Variants in PRSS22 observed in about 807,000 individuals in gnomAD.
PRSS22 encodes the protein serine protease 22, also known as brain-specific serine protease 4.
A neutral mutation model predicts 28.0 loss-of-function variants in PRSS22; 26 were observed. The observed-to-expected ratio is 0.93, with a 90% CI of 0.68 to 1.29. The LOEUF (loss-of-function observed/expected upper bound fraction) is 1.29. Among genes scored for constraint, PRSS22 ranks in the 50% most tolerant of loss-of-function variants. PRSS22 has a pLI of 0.00. For missense variants in PRSS22, 444 were observed against 422.1 expected, an observed-to-expected ratio of 1.05 and a Z score of -0.46; for synonymous variants, 217 against 177.9, an observed-to-expected ratio of 1.22 and a Z score of -1.75.
At chr16:2,854,050 T>C (rs1325000372) in intron 4 of PRSS22, 28 bp from the exon 5 acceptor site, 1 of 1,613,464 alleles carries the variant, frequency 6.2e-7, no homozygotes, top group African/African-American at 1.3e-5. Flanking sequence ...AGAATCAGGT[T>C]TGGGGGTCTC....
intron 1 of PRSS22, 180 bp from the exon 2 acceptor site, chr16:2,857,028 G>T (rs1468172677): frequency 1.5e-6 from 1 of 685,952 alleles, no homozygotes; most frequent in Non-Finnish European, 2.5e-6. Context: ...GTGAGGAGGG[G>T]TCCCAGCACC....
Position 2,853,054 on chromosome 16 carries a change from G to T in PRSS22, c.*39C>A, listed in dbSNP as rs746461644. 2.9e-4 allele frequency: 394 copies of T among 1,371,134 alleles called. No individual in the cohort carries two copies. The highest frequency in any genetic ancestry group is 3.6e-4 in the Non-Finnish European group (361 of 1,013,516). The allele number at this position is 1,371,134 out of a possible 1,614,324, so 84.9% of individuals were successfully genotyped here. On this transcript the variant is annotated 3_prime_UTR_variant, in exon 6 of 6. Coordinates refer to ENST00000161006, the MANE Select transcript of PRSS22 (RefSeq NM_022119.4). The surrounding 1 kb of genome is among the most constrained non-coding windows in gnomAD (Gnocchi z 4.6). ...CAGATCCAGATCCAGATGTGGATCT[G>T]GCCGCCTTTCAGATCCGAGCCCCGC...
At position 2,853,529 on chromosome 16, in the gene PRSS22, G is replaced by A. The variant is rs1028932097; in HGVS notation, c.718-200C>T. The stretch of plus-strand genomic sequence containing the variant: ...CTGCAGCCAGGCCTTAAGACGTCCA[G>A]GCGCGGGTGCTGCCGCTGCACCATC... On this transcript the variant is annotated intron_variant, in intron 5 of 5. Coordinates refer to ENST00000161006, the MANE Select transcript of PRSS22 (RefSeq NM_022119.4). This position sits in a 1 kb window ranked among gnomAD's most constrained non-coding sequence, Gnocchi z 4.6. Among the ~76,000 whole-genome samples the A allele has an allele frequency of 6.6e-6, 1 of 152,224 alleles. No homozygotes were observed.
rs968665399 is a variant in PRSS22 at position 2,853,121 on chromosome 16, T to C, written c.926A>G (p.Gln309Arg). 1.3e-6 allele frequency: 2 copies of C among 1,595,338 alleles called. No homozygotes were observed. The highest frequency in any genetic ancestry group is 1.7e-6 in the Non-Finnish European group (2 of 1,177,906). Residue 309 changes from glutamine to arginine, a missense_variant, in exon 6 of 6, where the codon CAG becomes CGG. Transcript: ENST00000161006. The surrounding 1 kb of genome is among the most constrained non-coding windows in gnomAD (Gnocchi z 4.6). ...GGAGCGCGCGGCGGCCCCAGAGCCC[T>C]GGCTCGGTGCCCTGAGGGCCCCACC... The part of the protein sequence containing the change: ...QGGGALRAPS[Q>R]GSGAAARS
At chr16:2,855,000 T>G (rs1381344767) in intron 4 of PRSS22, among the ~76,000 whole-genome samples, 1 of 152,154 alleles carries the variant, frequency 6.6e-6, no homozygotes, top group Admixed American at 6.5e-5. Flanking sequence ...TATTGATGAA[T>G]TGAATAGCTT....
At position 2,856,900 on chromosome 16, in the gene PRSS22, G is replaced by C. The variant is rs1180956473; in HGVS notation, c.83-52C>G. On this transcript the variant is annotated intron_variant, in intron 1 of 5. Coordinates refer to ENST00000161006, the MANE Select transcript of PRSS22 (RefSeq NM_022119.4). ...GGCCGGTGAGGGGCCCCAGGACACA[G>C]TGGTGAGGGGCCCTCAACGCCCAGT... The C allele has an allele frequency of 7.8e-6, 12 of 1,546,846 alleles. No individual in the cohort carries two copies. The South Asian group carries it at 1.4e-4, about 18-fold the overall frequency.
In PRSS22 at chr16:2,855,768, C is replaced by G; in HGVS notation, c.365G>C (p.Gly122Ala). ...AGGGTGGGGCTCCACCCAGGCAACA[C>G]CCACCTTCTGGGACCGAGAGCCAGG... ...GNPGSRSQKV[G>A]VAWVEPHPVY... The change falls in exon 4 of 6, where the codon GGT (glycine) becomes GCT (alanine). Residue 122 changes from glycine (G) to alanine (A), a missense_variant. Transcript: ENST00000161006. 1 of 1,614,152 alleles carries G rather than the reference C, an allele frequency of 6.2e-7. No individual in the cohort carries two copies. The highest frequency in any genetic ancestry group is 1.1e-5 in the South Asian group (1 of 91,078).
Position 2,854,462 on chromosome 16 carries a change from T to C in PRSS22, c.560-440A>G, listed in dbSNP as rs537491143. ...ATTGTGGACTGAAAGTCCGCGATTC[T>C]AGCTCTTGAAGAAGCCCCTACAGAG... On this transcript the variant is annotated intron_variant, in intron 4 of 5. Coordinates refer to ENST00000161006, the MANE Select transcript of PRSS22 (RefSeq NM_022119.4). The C allele has an allele frequency of 5.7e-5, 10 of 174,068 alleles. No individual in the cohort carries two copies. The South Asian group carries it at 1.4e-3, about 24-fold the overall frequency. 10.8% of individuals were successfully genotyped at this position (174,068 alleles called of 1,614,324 possible).
Position 2,858,041 on chromosome 16 carries a change from G to T in PRSS22, c.64C>A (p.Leu22Met). 1 of 1,283,310 alleles carries T rather than the reference G, an allele frequency of 7.8e-7. No homozygotes were observed. The allele number at this position is 1,283,310 out of a possible 1,614,324, so 79.5% of individuals were successfully genotyped here. Residue 22 changes from leucine to methionine, a missense_variant, in exon 1 of 6, where the codon CTG (leucine) becomes ATG (methionine). Transcript: ENST00000161006. The part of the protein sequence containing the change: ...GGCLGTFTSL[L>M]LLASTAILNA... ...GACGTACCTGTCGACGCCAGCAGCA[G>T]CAGGGAGGTGAAGGTGCCGAGACAG...
chr16:2,854,529 C>G (rs1040834555), intron 4 of PRSS22: 1 of 155,672 alleles, frequency 6.4e-6, no homozygotes, highest in African/African-American at 2.4e-5. Flanking sequence ...GGGATCCCCA[C>G]ACACCTGAGC....
At chr16:2,857,943 G>C in intron 1 of PRSS22, 80 bp downstream of exon 1, 1 of 1,092,454 alleles carries the variant, frequency 9.2e-7, no homozygotes, top group Non-Finnish European at 1.2e-6. Flanking sequence ...GGCAAGGCCA[G>C]GAGGGAGAGA....
rs755124289 is a variant in PRSS22, at chr16:2,855,867, AG to A, written c.282-17del. On this transcript the variant is annotated splice_polypyrimidine_tract_variant and intron_variant, in intron 3 of 5. Transcript: ENST00000161006. ...GTTCAGGTTGCTGGAAGGAAAGGGA[AG>A]GGGAGGATCAGCCAGGCCTGGTCTG... is the stretch of plus-strand genomic sequence containing the variant. 4 of 1,606,868 alleles carry A rather than the reference AG, an allele frequency of 2.5e-6. No individual in the cohort carries two copies. In the African/African-American group the frequency reaches 5.3e-5, roughly 21 times the overall value.
At position 2,853,472 on chromosome 16, in the gene PRSS22, C is replaced by A; in HGVS notation, c.718-143G>T. 1.1e-5 allele frequency: 8 copies of A among 712,184 alleles called. No homozygotes were observed. Among genetic ancestry groups the A allele is most frequent in the Non-Finnish European group, 1.8e-5 (8 of 437,560 alleles). The allele number at this position is 712,184 out of a possible 1,614,324, so 44.1% of individuals were successfully genotyped here. A position where few individuals can be genotyped will look rare whatever the true frequency, so the allele number is the denominator to read the frequency against. On this transcript the variant is annotated intron_variant, in intron 5 of 5. Coordinates refer to ENST00000161006, the MANE Select transcript of PRSS22 (RefSeq NM_022119.4). The surrounding 1 kb of genome is among the most constrained non-coding windows in gnomAD (Gnocchi z 4.6). The stretch of plus-strand genomic sequence containing the variant: ...GAGGAGACAGGACCTGAGCTCCACC[C>A]AGGTGAGAAGTCCCCGGCGGCAGAG...
chr16:2,853,313 G>T lies in PRSS22; in HGVS notation c.734C>A (p.Pro245His). Reference protein sequence around the residue: ...RDACLGDSGGPLMCQVDGAWL... With the variant: ...RDACLGDSGGHLMCQVDGAWL... ...GGCGCCGTCCACCTGGCACATGAGG[G>T]GGCCCCCGGAGTCGCCCTGCAGAGA... The change falls in exon 6 of 6, where the codon CCC (proline) becomes CAC (histidine). Residue 245 changes from proline to histidine, a missense_variant. By Grantham distance (77) the Pro-to-His change is moderately conservative (BLOSUM62 -2). Coordinates refer to ENST00000161006, the MANE Select transcript of PRSS22 (RefSeq NM_022119.4). This position sits in a 1 kb window ranked among gnomAD's most constrained non-coding sequence, Gnocchi z 4.6. 1 of 1,597,332 alleles carries T rather than the reference G, an allele frequency of 6.3e-7. No individual in the cohort carries two copies. The highest frequency in any genetic ancestry group is 8.5e-7 in the Non-Finnish European group (1 of 1,178,826).
chr16:2,852,859 T>C lies in PRSS22; in HGVS notation c.*234A>G, dbSNP rs1161671945. On this transcript the variant is annotated 3_prime_UTR_variant, in exon 6 of 6. Coordinates refer to ENST00000161006, the MANE Select transcript of PRSS22 (RefSeq NM_022119.4). ...GGGCCCGGGGCGGGGCCGGAAGTCG[T>C]GGGGGCGGGGACATGAGGCCGTTGG... 2 of 430,992 alleles carry C rather than the reference T, an allele frequency of 4.6e-6. No individual in the cohort carries two copies. Among genetic ancestry groups the C allele is most frequent in the Non-Finnish European group, 7.7e-6 (2 of 260,810 alleles). The allele number at this position is 430,992 out of a possible 1,614,324, so 26.7% of individuals were successfully genotyped here.
chr16:2,857,107 G>T, intron 1 of PRSS22: 1 of 573,424 alleles, frequency 1.7e-6, no homozygotes. Flanking sequence ...GTCCCTCAGC[G>T]CCCAGCGAGA....
Position 2,853,424 on chromosome 16 carries a change from C to T in PRSS22, c.718-95G>A. On this transcript the variant is annotated intron_variant, in intron 5 of 5. Transcript: ENST00000161006. The surrounding 1 kb of genome is among the most constrained non-coding windows in gnomAD (Gnocchi z 4.6). ...GTCAGGGGGCAGATGAGCCCCTTCC[C>T]GGGAGCCCGTTTCTCCTTCCTGGAG... The T allele has an allele frequency of 2.9e-6, 3 of 1,025,498 alleles. No homozygotes were observed. Among genetic ancestry groups the T allele is most frequent in the East Asian group, 2.6e-5 (1 of 38,720 alleles). The allele number at this position is 1,025,498 out of a possible 1,614,324, so 63.5% of individuals were successfully genotyped here.
chr16:2,854,167 C>T, intron 4 of PRSS22, 145 bp from the exon 5 acceptor site: 1 of 908,266 alleles, frequency 1.1e-6, no homozygotes. Flanking sequence ...CCCAAGATGC[C>T]TTCAGAAAAT....
At chr16:2,857,236 T>TCTCCAGCGCCCAGTGAGGAGGGG in intron 1 of PRSS22, 1 of 96,508 alleles carries the variant, frequency 1.0e-5, no homozygotes, top group Non-Finnish European at 2.1e-5. Context: ...GTGAGGAGGG[T>TCTCCAGCGCCCAGTGAGGAGGGG]TCCCCAGCGC....
Sources: allele counts gnomAD v4.1 joint callset (sites outside exome capture counted in the v4.1 genomes callset), GRCh38; gene constraint gnomAD v4.1.1; non-coding constraint Gnocchi (gnomAD v3.1); transcripts MANE v1.5; gene names NCBI Gene and HGNC (gene_info 2026-07-23, HGNC 2026-07-21).